NDUFAF6: variants seen among roughly 807,000 people sequenced by gnomAD.
The protein encoded by NDUFAF6 is NADH dehydrogenase (ubiquinone) complex I, assembly factor 6.
NDUFAF6 carries 45 observed loss-of-function variants against 40.8 expected under a neutral mutation model. That is an observed-to-expected ratio of 1.10 (90% CI 0.87 to 1.42). NDUFAF6 has a LOEUF of 1.42. Ranked by LOEUF, NDUFAF6 falls within the 40% of genes most tolerant of loss-of-function variation. NDUFAF6 has a pLI of 0.00. For synonymous variants in NDUFAF6, 185 were observed against 155.9 expected, an observed-to-expected ratio of 1.19 and a Z score of -1.39; for missense variants, 435 against 418.5, an observed-to-expected ratio of 1.04 and a Z score of -0.34.
At chr8:94,896,988 G>C (rs1004940079) in intron 1 of NDUFAF6, among the ~76,000 whole-genome samples, 4 of 152,302 alleles carry the variant, frequency 2.6e-5, no homozygotes, top group African/African-American at 9.6e-5. Context: ...GGCTCTCGGC[G>C]GGGCAGAAGT....
intron 9 of NDUFAF6, among the ~76,000 whole-genome samples, chr8:95,074,617 A>T (rs994571030): frequency 6.6e-6 from 1 of 152,158 alleles, no homozygotes; most frequent in Non-Finnish European, 1.5e-5. Context: ...TGCCTCTGTC[A>T]CAGACTAGAA....
Position 94,974,254 on chromosome 8 carries a change from A to G in NDUFAF6, c.-198-6605A>G, listed in dbSNP as rs575804091. ...TTAAATTATCTTTATTATAAGGAAA[A>G]AAAAAAACCACAGTAAAACAGACCT... On this transcript the variant is annotated intron_variant, in intron 1 of 9. Transcript: ENST00000396111. Among the ~76,000 whole-genome samples, 145 of 151,750 alleles carry G rather than the reference A, an allele frequency of 9.6e-4. 1 individual carries two copies. The highest frequency in any genetic ancestry group is 1.4e-3 in the Non-Finnish European group (98 of 67,900).
rs1423255852 is a variant in NDUFAF6, at chr8:95,087,084, A to ATTTT, written n.213+11332_213+11333insTTTT. Among the ~76,000 whole-genome samples, 8 of 140,676 alleles carry ATTTT rather than the reference A, an allele frequency of 5.7e-5. No individual in the cohort carries two copies. The South Asian group carries it at 6.9e-4, about 12-fold the overall frequency. The allele number at this position is 140,676 out of a possible 152,430, so 92.3% of individuals were successfully genotyped here. On this transcript the variant is annotated intron_variant and non_coding_transcript_variant, in intron 2 of 5. Transcript: ENST00000523184. ...CTTTTCTTTTGCCTTTTTTTTTAAA[A>ATTTT]AATTCTGCATGGTGCATATTTTTGG...
chr8:94,902,491 T>C (rs549663915), intron 1 of NDUFAF6, among the ~76,000 whole-genome samples: 18 of 152,166 alleles, frequency 1.2e-4, no homozygotes, highest in Middle Eastern at 3.4e-3. Context: ...CAAACTCTTA[T>C]CAAGTTGTGG....
At chr8:95,005,145 C>T (rs1826905431) in intron 2 of NDUFAF6, among the ~76,000 whole-genome samples, 1 of 152,090 alleles carries the variant, frequency 6.6e-6, no homozygotes, top group African/African-American at 2.4e-5. Context: ...CAGTTTCCTT[C>T]TTGGTAAAAT....
Position 95,032,080 on chromosome 8 carries a change from G to A in NDUFAF6, c.283G>A (p.Val95Met). ...SSVFALRAFN[V>M]ELAQVKDSVS... ...TGTTTTTGCACTGAGGGCCTTTAAT[G>A]TGGAACTGGCTCAGGCTGGTATTAA... The change falls in exon 2 of 9, where the codon GTG (valine) becomes ATG (methionine). Residue 95 changes from valine to methionine, a missense_variant. By Grantham distance (21) the Val-to-Met change is conservative. Coordinates refer to ENST00000396124, the MANE Select transcript of NDUFAF6 (RefSeq NM_152416.4). 3 of 1,614,064 alleles carry A rather than the reference G, an allele frequency of 1.9e-6. No homozygotes were observed. Among genetic ancestry groups the A allele is most frequent in the Middle Eastern group, 1.6e-4 (1 of 6,062 alleles).
At chr8:94,897,984 G>T (rs570741510) in intron 1 of NDUFAF6, among the ~76,000 whole-genome samples, 1 of 152,094 alleles carries the variant, frequency 6.6e-6, no homozygotes, top group African/African-American at 2.4e-5. Flanking sequence ...GATGATAGAC[G>T]GATGGTGGAA....
At chr8:94,904,320 CTTTTTTTTTTTTTTTTTTTTTTTTT>C (rs57749627) in intron 1 of NDUFAF6, among the ~76,000 whole-genome samples, 17 of 34,096 alleles carry the variant, frequency 5.0e-4, no homozygotes, top group South Asian at 1.2e-3. Context: ...ATTTTTTTTG[CTTTTTTTTTTTTTTTTTTTTTTTTT>C]TTTTTTTTTT....
intron 2 of NDUFAF6, among the ~76,000 whole-genome samples, chr8:95,000,970 T>C (rs1297766562): frequency 6.0e-5 from 9 of 151,234 alleles, no homozygotes; most frequent in Non-Finnish European, 1.5e-5. Context: ...TTTTTTTTTT[T>C]TTTGAGACAG....
intron 2 of NDUFAF6, among the ~76,000 whole-genome samples, chr8:95,014,910 A>G (rs999427667): frequency 3.3e-4 from 50 of 152,210 alleles, no homozygotes; most frequent in Admixed American, 3.3e-3. Context: ...CAGTGTTGGA[A>G]ATATCAGGCA....
chr8:94,985,397 C>G (rs1010755106), intron 2 of NDUFAF6, among the ~76,000 whole-genome samples: 12 of 140,306 alleles, frequency 8.6e-5, no homozygotes, highest in African/African-American at 3.2e-4. Context: ...TTCCTGATTA[C>G]TTAGGCCATT....
intron 4 of NDUFAF6, among the ~76,000 whole-genome samples, chr8:95,113,369 T>TA (rs1027003655): frequency 1.3e-5 from 2 of 152,140 alleles, no homozygotes; most frequent in African/African-American, 4.8e-5. Context: ...GCTGCAGGTA[T>TA]AAGCGCTGGG....
At chr8:94,970,508 T>C (rs1480768217) in intron 1 of NDUFAF6, among the ~76,000 whole-genome samples, 1 of 152,080 alleles carries the variant, frequency 6.6e-6, no homozygotes, top group Non-Finnish European at 1.5e-5. Context: ...AGAGAATCTT[T>C]TGAATCTAGG....
At chr8:95,083,737 A>G (rs181738406) in intron 2 of NDUFAF6, among the ~76,000 whole-genome samples, 52 of 152,358 alleles carry the variant, frequency 3.4e-4, no homozygotes, top group African/African-American at 1.2e-3. Context: ...GTCTCAAAGT[A>G]GCAATGATCA....
intron 2 of NDUFAF6, among the ~76,000 whole-genome samples, chr8:95,000,457 A>C (rs774173974): frequency 9.9e-5 from 15 of 152,170 alleles, no homozygotes; most frequent in Non-Finnish European, 1.8e-4. Flanking sequence ...CTTGGCCTCT[A>C]CCCTCATAGA....
At chr8:95,100,877 C>T (rs1381545543) in intron 1 of NDUFAF6, among the ~76,000 whole-genome samples, 4 of 152,178 alleles carry the variant, frequency 2.6e-5, no homozygotes, top group Non-Finnish European at 4.4e-5. Context: ...AGTTATTTTG[C>T]TCTCTTCCCT....
intron 1 of NDUFAF6, chr8:94,930,291 AAAGGC>A (rs1252604398): frequency 8.4e-6 from 6 of 714,240 alleles, no homozygotes; most frequent in East Asian, 2.8e-5. Flanking sequence ...AGTAAATGTT[AAAGGC>A]AAGGCATTAT....
chr8:94,906,479 A>G (rs540679988), intron 1 of NDUFAF6, among the ~76,000 whole-genome samples: 1 of 152,238 alleles, frequency 6.6e-6, no homozygotes, highest in East Asian at 1.9e-4. Flanking sequence ...CAGTTTGTTG[A>G]TTGTGGTGCC....
chr8:94,981,110 T>C (rs1039361818), intron 2 of NDUFAF6: 68 of 394,410 alleles, frequency 1.7e-4, no homozygotes, highest in African/African-American at 1.2e-3. Context: ...TGTGACAGTA[T>C]TGGGAGGTGG....
Sources: allele counts gnomAD v4.1 joint callset (sites outside exome capture counted in the v4.1 genomes callset), GRCh38; gene constraint gnomAD v4.1.1; transcripts MANE v1.5; gene names NCBI Gene and HGNC (gene_info 2026-07-23, HGNC 2026-07-21).